SYNJ1: variants seen among roughly 807,000 people sequenced by gnomAD.
SYNJ1 encodes polyphosphatidylinositol phosphatase SYNJ1.
In SYNJ1, 78 loss-of-function variants were observed where a neutral mutation model predicts 168.2. The ratio of observed to expected loss-of-function variants is 0.46; its 90% CI spans 0.39 to 0.56. The LOEUF is 0.56. SYNJ1 is among the 20% of genes least tolerant of loss of function. SYNJ1 has a pLI of 0.00. For synonymous variants in SYNJ1, 539 were observed against 548.6 expected, an observed-to-expected ratio of 0.98 and a Z score of 0.24; for missense variants, 1,303 against 1,597.6, an observed-to-expected ratio of 0.82 and a Z score of 3.14.
intron 6 of SYNJ1, 144 bp downstream of exon 6, chr21:32,694,084 T>C (rs1174709195): frequency 1.9e-6 from 1 of 529,116 alleles, no homozygotes; most frequent in African/African-American, 2.0e-5. Flanking sequence ...TCTGTACTCG[T>C]CTAGACCCTT....
intron 14 of SYNJ1, among the ~76,000 whole-genome samples, chr21:32,671,826 G>A (rs1181085153): frequency 6.6e-6 from 1 of 152,068 alleles, no homozygotes; most frequent in Non-Finnish European, 1.5e-5. Flanking sequence ...GGGAAGCCGA[G>A]GCGGGTGGAT....
intron 18 of SYNJ1, among the ~76,000 whole-genome samples, chr21:32,663,763 C>T (rs2145906078): frequency 6.6e-6 from 1 of 152,332 alleles, no homozygotes; most frequent in South Asian, 2.1e-4. Flanking sequence ...CATACGGTTA[C>T]AAGCTGTCTT....
chr21:32,707,313 A>T, intron 2 of SYNJ1, among the ~76,000 whole-genome samples: 1 of 129,150 alleles, frequency 7.7e-6, no homozygotes. Flanking sequence ...TTGAGACAGG[A>T]TCTCACTCTA....
At position 32,685,903 on chromosome 21, in the gene SYNJ1, A is replaced by C; in HGVS notation, c.963T>G (p.Ala321=). The part of the protein sequence containing the change: ...LSKAFQSHLK[A]SEHAADIQMV... ...TCTGGATATCAGCAGCATGTTCAGA[A>C]GCTTTCAAATGACTCTGAAAGTAAA... The change falls in exon 9 of 33, where the codon GCT becomes GCG. Residue 321 remains alanine (A), a synonymous_variant. Coordinates refer to ENST00000674351, the MANE Select transcript of SYNJ1 (RefSeq NM_203446.3). 2 of 1,605,036 alleles carry C rather than the reference A, an allele frequency of 1.2e-6. No homozygotes were observed. Among genetic ancestry groups the C allele is most frequent in the Non-Finnish European group, 1.7e-6 (2 of 1,177,064 alleles).
Position 32,694,330 on chromosome 21 carries a change from T to C in SYNJ1, c.706-19A>G, listed in dbSNP as rs544943206. On this transcript the variant is annotated intron_variant, in intron 5 of 32. Transcript: ENST00000674351. ...ACACAACCTACAGAAAAAAAAATAA[T>C]ATGTAAACTATTTCCACAGAAAAGT... 25 of 1,521,864 alleles carry C rather than the reference T, an allele frequency of 1.6e-5. No homozygotes were observed. The South Asian group carries it at 2.8e-4, about 17-fold the overall frequency. 94.3% of individuals were successfully genotyped at this position (1,521,864 alleles called of 1,614,324 possible).
intron 7 of SYNJ1, 61 bp downstream of exon 7, chr21:32,688,245 A>G (rs2041898435): frequency 3.4e-6 from 5 of 1,469,592 alleles, no homozygotes; most frequent in African/African-American, 2.8e-5. Flanking sequence ...ATCAGTAAAT[A>G]CAAGCAGTCC....
Position 32,656,695 on chromosome 21 carries a change from T to A in SYNJ1, c.2787A>T (p.Ile929=). 6.2e-7 allele frequency: 1 copy of A among 1,612,784 alleles called. No individual in the cohort carries two copies. The highest frequency in any genetic ancestry group is 1.1e-5 in the South Asian group (1 of 90,884). The change falls in exon 21 of 33, where the codon ATA becomes ATT. Residue 929 remains isoleucine (I), a synonymous_variant. Transcript: ENST00000674351. ...CATAATAAACATCTTACCTTATAAG[T>A]ATAACTTCACCAAAACTTGCAAACT... The part of the protein sequence containing the change: ...LQQFASFGEV[I]LIRFVEDKMW...
chr21:32,708,104 G>A (rs532088481), intron 2 of SYNJ1, among the ~76,000 whole-genome samples: 18 of 152,180 alleles, frequency 1.2e-4, no homozygotes, highest in African/African-American at 2.6e-4. Flanking sequence ...CCTCAGTTAC[G>A]TCTGGAAACT....
At position 32,695,119 on chromosome 21, in the gene SYNJ1, T is replaced by C; in HGVS notation, c.643A>G (p.Arg215Gly). Reference protein sequence around the residue: ...SRLSCERAGTRFNVRGTNDDG... With the variant: ...SRLSCERAGTGFNVRGTNDDG... ...TCATTTGTTCCCCGGACATTAAACC[T>C]GGTCCCAGCTCGTTCACAGCTTAAT... The change falls in exon 5 of 33, where the codon AGG (arginine) becomes GGG (glycine). Residue 215 changes from arginine to glycine, a missense_variant. This residue lies in a region of SYNJ1 where 920 missense variants were observed against 1,208.8 expected (regional missense o/e 0.76). Coordinates refer to ENST00000674351, the MANE Select transcript of SYNJ1 (RefSeq NM_203446.3). 1 of 1,614,182 alleles carries C rather than the reference T, an allele frequency of 6.2e-7. No homozygotes were observed. Among genetic ancestry groups the C allele is most frequent in the Non-Finnish European group, 8.5e-7 (1 of 1,180,020 alleles).
chr21:32,722,800 A>T (rs1425541256), intron 2 of SYNJ1, among the ~76,000 whole-genome samples: 2 of 152,214 alleles, frequency 1.3e-5, no homozygotes, highest in African/African-American at 4.8e-5. Context: ...ATATGATATG[A>T]AGGCACTATA....
chr21:32,659,966 C>G (rs1012870406), intron 18 of SYNJ1, among the ~76,000 whole-genome samples: 2 of 152,208 alleles, frequency 1.3e-5, no homozygotes, highest in African/African-American at 4.8e-5. Flanking sequence ...AGAGCACTTC[C>G]GGGTAGGTAA....
intron 21 of SYNJ1, among the ~76,000 whole-genome samples, chr21:32,656,211 C>G (rs530224790): frequency 6.6e-6 from 1 of 152,298 alleles, no homozygotes; most frequent in South Asian, 2.1e-4. Flanking sequence ...CTGGGCAGAT[C>G]GCTTAAGGCC....
chr21:32,635,832 A>C (rs754184052), intron 31 of SYNJ1, among the ~76,000 whole-genome samples: 1 of 152,140 alleles, frequency 6.6e-6, no homozygotes, highest in Non-Finnish European at 1.5e-5. Context: ...CCTTACAAGA[A>C]ATTTGGAATT....
At chr21:32,651,011 C>A (rs529370550) in intron 22 of SYNJ1, among the ~76,000 whole-genome samples, 9 of 152,282 alleles carry the variant, frequency 5.9e-5, no homozygotes, top group African/African-American at 2.4e-5. Context: ...TAATCTAAGA[C>A]AACCAAGACA....
Position 32,653,519 on chromosome 21 carries a change from G to T in SYNJ1, c.2796-153C>A, listed in dbSNP as rs1004628404. ...CGCAGGTAGGGCTGGTGGTGACCTG[G>T]AGAGGGCACTCTTCCCCTAAAAACA... On this transcript the variant is annotated intron_variant, in intron 21 of 32. Transcript: ENST00000674351. The T allele has an allele frequency of 1.3e-5, 8 of 596,036 alleles. No individual in the cohort carries two copies. In the African/African-American group the frequency reaches 1.5e-4, roughly 11 times the overall value. The allele number at this position is 596,036 out of a possible 1,614,324, so 36.9% of individuals were successfully genotyped here.
chr21:32,643,047 T>C (rs746942317), intron 27 of SYNJ1, among the ~76,000 whole-genome samples: 1 of 152,208 alleles, frequency 6.6e-6, no homozygotes, highest in African/African-American at 2.4e-5. Flanking sequence ...TAATCATTAA[T>C]TTTTAAAACT....
intron 10 of SYNJ1, 87 bp downstream of exon 10, chr21:32,683,951 T>C (rs1391913990): frequency 8.6e-7 from 1 of 1,162,164 alleles, no homozygotes; most frequent in Admixed American, 1.8e-5. Flanking sequence ...ATACACTTTC[T>C]GGAAGGTAAT....
At chr21:32,675,121 C>T (rs1174249961) in intron 13 of SYNJ1, among the ~76,000 whole-genome samples, 1 of 152,158 alleles carries the variant, frequency 6.6e-6, no homozygotes, top group Non-Finnish European at 1.5e-5. Flanking sequence ...TATGGTTTAT[C>T]ATTGCTCTTA....
intron 2 of SYNJ1, among the ~76,000 whole-genome samples, chr21:32,708,163 A>G (rs547599781): frequency 6.6e-4 from 100 of 152,342 alleles, no homozygotes; most frequent in African/African-American, 2.3e-3. Context: ...GGGGTGGGAA[A>G]TATAGGCATT....
Sources: allele counts gnomAD v4.1 joint callset (sites outside exome capture counted in the v4.1 genomes callset), GRCh38; gene constraint gnomAD v4.1.1; regional missense constraint gnomAD v4.1.1; transcripts MANE v1.5; gene names NCBI Gene and HGNC (gene_info 2026-07-23, HGNC 2026-07-21).